Variants in SLC14A2 observed in about 807,000 individuals in gnomAD.
The protein encoded by SLC14A2 is solute carrier family 14 member 2, also known as urea transporter 2.
In SLC14A2, 91 loss-of-function variants were observed where a neutral mutation model predicts 104.6. That is an observed-to-expected ratio of 0.87 (90% CI 0.73 to 1.04). SLC14A2 has a LOEUF of 1.04. SLC14A2 is among the 50% of genes least tolerant of loss of function. SLC14A2 has a pLI of 0.00. For synonymous variants in SLC14A2, 476 were observed against 466.4 expected, an observed-to-expected ratio of 1.02 and a Z score of -0.27; for missense variants, 1,189 against 1,156.0, an observed-to-expected ratio of 1.03 and a Z score of -0.41.
intron 2 of SLC14A2, among the ~76,000 whole-genome samples, chr18:45,537,275 G>T (rs958223719): frequency 1.3e-5 from 2 of 151,944 alleles, no homozygotes; most frequent in Admixed American, 6.6e-5. Flanking sequence ...ATAAATCATA[G>T]AATAATTTTG....
chr18:45,502,342 T>G (rs974364749), intron 2 of SLC14A2, among the ~76,000 whole-genome samples: 9 of 152,218 alleles, frequency 5.9e-5, no homozygotes, highest in African/African-American at 2.2e-4. Context: ...GCTGCCTCCA[T>G]GAGAACATAA....
At position 45,673,799 on chromosome 18, in the gene SLC14A2, C is replaced by T; in HGVS notation, c.2494C>T (p.Leu832Phe). The change falls in exon 18 of 20, where the codon CTC becomes TTC. Residue 832 changes from leucine to phenylalanine, a missense_variant. Transcript: ENST00000255226. ...MFYVITWQTHLLAIACALFAA... is the reference protein window; with the variant it reads ...MFYVITWQTHFLAIACALFAA... ...CTACGTCATCACCTGGCAGACGCACCTCCTCGCCATCGCCTGCGGTAGGTA... is the reference window on the plus strand; with the variant it reads ...CTACGTCATCACCTGGCAGACGCACTTCCTCGCCATCGCCTGCGGTAGGTA... The T allele has an allele frequency of 6.2e-7, 1 of 1,614,126 alleles. No individual in the cohort carries two copies. Among genetic ancestry groups the T allele is most frequent in the Non-Finnish European group, 8.5e-7 (1 of 1,179,962 alleles).
At chr18:45,343,040 G>A (rs2085411516) in intron 1 of SLC14A2, among the ~76,000 whole-genome samples, 1 of 152,100 alleles carries the variant, frequency 6.6e-6, no homozygotes, top group Admixed American at 6.5e-5. Context: ...AAGACTAGCA[G>A]TAGCGGGAGG....
At chr18:45,322,839 C>T (rs575702172) in intron 1 of SLC14A2, among the ~76,000 whole-genome samples, 9 of 152,182 alleles carry the variant, frequency 5.9e-5, no homozygotes, top group Non-Finnish European at 8.8e-5. Context: ...TCAGAGACAC[C>T]GAGGTTCTTT....
At chr18:45,415,789 C>T (rs1226717393) in intron 1 of SLC14A2, among the ~76,000 whole-genome samples, 2 of 152,074 alleles carry the variant, frequency 1.3e-5, no homozygotes, top group Admixed American at 6.6e-5. Context: ...ATCTTAACAT[C>T]GAACCACCTG....
At chr18:45,175,283 G>A in the SLC14A2 span, among the ~76,000 whole-genome samples, 8,157 of 151,988 alleles carry the variant, frequency 0.054, 257 homozygotes, top group Non-Finnish European at 0.066. Context: ...GAAATAATAC[G>A]TAACTTTAAA....
intron 2 of SLC14A2, among the ~76,000 whole-genome samples, chr18:45,498,272 A>G (rs192838245): frequency 6.6e-6 from 1 of 152,366 alleles, no homozygotes; most frequent in East Asian, 1.9e-4. Context: ...CTTCCCGGGA[A>G]CACATTTCTG....
chr18:45,590,638 T>C (rs1252015782), intron 2 of SLC14A2, among the ~76,000 whole-genome samples: 1 of 152,084 alleles, frequency 6.6e-6, no homozygotes, highest in Non-Finnish European at 1.5e-5. Context: ...ACCCCTGGAA[T>C]GTAAGGGCAG....
chr18:45,180,405 G>A, the SLC14A2 span, among the ~76,000 whole-genome samples: 18,882 of 152,106 alleles, frequency 0.12, 1,295 homozygotes, highest in African/African-American at 0.18. Flanking sequence ...GGTATTTGTT[G>A]ATTATAATAA....
chr18:45,210,390 G>A (rs1451120013), upstream of SLC14A2, among the ~76,000 whole-genome samples: 3 of 152,172 alleles, frequency 2.0e-5, no homozygotes, highest in African/African-American at 7.2e-5. Flanking sequence ...GAGCAGCCTG[G>A]ACAGCATAGT....
chr18:45,366,043 A>C (rs1304909868), intron 1 of SLC14A2, among the ~76,000 whole-genome samples: 1 of 152,160 alleles, frequency 6.6e-6, no homozygotes, highest in Non-Finnish European at 1.5e-5. Flanking sequence ...GTAATCAAAA[A>C]ATTCCTCCAG....
At chr18:45,241,716 T>C (rs1036545793) in intron 1 of SLC14A2, among the ~76,000 whole-genome samples, 12 of 145,688 alleles carry the variant, frequency 8.2e-5, no homozygotes, top group South Asian at 4.7e-4. Flanking sequence ...CAATCTCGGC[T>C]CACAGCAACC....
intron 1 of SLC14A2, among the ~76,000 whole-genome samples, chr18:45,401,017 T>C (rs2086090118): frequency 6.6e-6 from 1 of 152,196 alleles, no homozygotes; most frequent in Admixed American, 6.5e-5. Context: ...GATCCCTTGT[T>C]CTTTTCAGTG....
intron 1 of SLC14A2, among the ~76,000 whole-genome samples, chr18:45,404,045 G>C (rs1156742880): frequency 6.6e-6 from 1 of 152,124 alleles, no homozygotes; most frequent in African/African-American, 2.4e-5. Context: ...CCACTGCCTG[G>C]AAGGAACCCA....
chr18:45,520,676 GA>G (rs2043504969), intron 2 of SLC14A2, among the ~76,000 whole-genome samples: 1 of 152,132 alleles, frequency 6.6e-6, no homozygotes, highest in Non-Finnish European at 1.5e-5. Flanking sequence ...TGGTGTCCTG[GA>G]AAGAGCATGA....
chr18:45,348,360 T>A (rs1485482199), intron 1 of SLC14A2, among the ~76,000 whole-genome samples: 2 of 152,216 alleles, frequency 1.3e-5, no homozygotes, highest in Non-Finnish European at 2.9e-5. Flanking sequence ...CTCATCTCAC[T>A]TGGACCAGGT....
chr18:45,289,112 A>G (rs8086534), intron 1 of SLC14A2, among the ~76,000 whole-genome samples: 15,647 of 152,212 alleles, frequency 0.1, 969 homozygotes, highest in African/African-American at 0.16. Flanking sequence ...TTTCTTTTCT[A>G]CAGGAAAGGT....
In SLC14A2 at chr18:45,375,971, T is replaced by C. The variant is rs183523954; in HGVS notation, c.-124-107262T>C. Among the ~76,000 whole-genome samples, 21 of 152,300 alleles carry C rather than the reference T, an allele frequency of 1.4e-4. No homozygotes were observed. In the East Asian group the frequency reaches 3.9e-3, roughly 28 times the overall value. On this transcript the variant is annotated intron_variant, in intron 1 of 20. Transcript: ENST00000586448. ...CCAGGACAAGCTGGGAAACTCTGGATGGGTACAGAGCAATCAGTTATTCAA... is the reference window on the plus strand; with the variant it reads ...CCAGGACAAGCTGGGAAACTCTGGACGGGTACAGAGCAATCAGTTATTCAA...
intron 19 of SLC14A2, 116 bp downstream of exon 19, chr18:45,679,140 T>A (rs2046275639): frequency 1.1e-6 from 1 of 939,590 alleles, no homozygotes; most frequent in Non-Finnish European, 1.6e-6. Context: ...TTCATCTCCC[T>A]TATTTCAAGT....
Sources: gnomAD v4.1 joint callset for allele counts (sites outside exome capture counted in the v4.1 genomes callset) on GRCh38, gnomAD v4.1.1 for gene constraint, MANE v1.5 for transcripts, NCBI Gene and HGNC (gene_info 2026-07-23, HGNC 2026-07-21) for gene names.